CACNA1A: variants seen among roughly 807,000 people sequenced by gnomAD.
The protein encoded by CACNA1A is voltage-dependent P/Q-type calcium channel subunit alpha-1A.
Under a neutral mutation model 262.4 loss-of-function variants are expected in CACNA1A, and 57 were observed. The ratio of observed to expected loss-of-function variants is 0.22; its 90% CI spans 0.18 to 0.27. The LOEUF is 0.27. Ranked by LOEUF, CACNA1A falls within the 10% of genes least tolerant of loss-of-function variation. CACNA1A has a pLI of 1.00. For missense variants in CACNA1A, 2,526 were observed against 3,562.8 expected (o/e 0.71, Z 7.41); for synonymous variants, 1,431 against 1,419.3 (o/e 1.01, Z -0.18).
chr19:13,294,767 G>T (rs573552105), intron 19 of CACNA1A, among the ~76,000 whole-genome samples: 4 of 152,064 alleles, frequency 2.6e-5, no homozygotes, highest in African/African-American at 9.7e-5. Flanking sequence ...GGGATTACAG[G>T]CGTGAACCAT....
chr19:13,232,404 G>T (rs1399140341), intron 34 of CACNA1A, among the ~76,000 whole-genome samples: 1 of 151,818 alleles, frequency 6.6e-6, no homozygotes, highest in Non-Finnish European at 1.5e-5. Flanking sequence ...GGGTTTCACT[G>T]CATTGCTCAG....
At chr19:13,210,171 C>T (rs941314821) in intron 44 of CACNA1A, among the ~76,000 whole-genome samples, 1 of 152,206 alleles carries the variant, frequency 6.6e-6, no homozygotes, top group Admixed American at 6.5e-5. Context: ...ACACAGGTTT[C>T]TCTGCAGCAG....
At chr19:13,266,182 G>A (rs2056856949) in intron 24 of CACNA1A, among the ~76,000 whole-genome samples, 1 of 151,930 alleles carries the variant, frequency 6.6e-6, no homozygotes, top group African/African-American at 2.4e-5. Flanking sequence ...TCTTAGGTTA[G>A]CAATGCTGGT....
chr19:13,349,230 C>T (rs1160444505), intron 6 of CACNA1A, among the ~76,000 whole-genome samples: 7 of 152,088 alleles, frequency 4.6e-5, no homozygotes, highest in Non-Finnish European at 5.9e-5. Context: ...GGCTGTTTTA[C>T]GGATCAAGAC....
chr19:13,439,140 GCT>G (rs2060666532), intron 3 of CACNA1A, among the ~76,000 whole-genome samples: 1 of 138,340 alleles, frequency 7.2e-6, no homozygotes, highest in Non-Finnish European at 1.5e-5. Flanking sequence ...ATGGAGTCTT[GCT>G]CTGTCACCCA....
chr19:13,255,326 CTCTG>C lies in CACNA1A; in HGVS notation c.4591-71_4591-68del. 5.0e-6 allele frequency: 7 copies of C among 1,412,256 alleles called. No individual in the cohort carries two copies. In the South Asian group the frequency reaches 7.2e-5, roughly 14 times the overall value. The allele number at this position is 1,412,256 out of a possible 1,614,324, so 87.5% of individuals were successfully genotyped here. A position where few individuals can be genotyped will look rare whatever the true frequency, so the allele number is the denominator to read the frequency against. ...GGAAGGTGGCTGTACACCGGGCACCCTCTGTCTAACTCGTCGCGGTTCTCAAGTG... is the reference window on the plus strand; with the variant it reads ...GGAAGGTGGCTGTACACCGGGCACCCTCTAACTCGTCGCGGTTCTCAAGTG... On this transcript the variant is annotated intron_variant, in intron 28 of 46. Transcript: ENST00000360228.
At chr19:13,346,637 TATATATA>T (rs2058773567) in intron 6 of CACNA1A, among the ~76,000 whole-genome samples, 1 of 5,346 alleles carries the variant, frequency 1.9e-4, no homozygotes, top group Non-Finnish European at 4.6e-4. Context: ...TATATATATA[TATATATA>T]TATATATATA....
chr19:13,308,324 C>T lies in CACNA1A; in HGVS notation c.1782-73G>A, dbSNP rs1190221457. 38 of 1,566,712 alleles carry T rather than the reference C, an allele frequency of 2.4e-5. No individual in the cohort carries two copies. The highest frequency in any genetic ancestry group is 3.0e-5 in the Non-Finnish European group (35 of 1,153,214). ...GGCCCCGGAGTCAGCCCTCGAAACACGAGGCTCACTTTCCCAACTTTCTGG... is the reference window on the plus strand; with the variant it reads ...GGCCCCGGAGTCAGCCCTCGAAACATGAGGCTCACTTTCCCAACTTTCTGG... On this transcript the variant is annotated intron_variant, in intron 13 of 46. Transcript: ENST00000360228. This position sits in a 1 kb window ranked among gnomAD's most constrained non-coding sequence, Gnocchi z 4.2.
intron 31 of CACNA1A, chr19:13,244,855 C>T (rs117928785): frequency 0.012 from 3,682 of 298,218 alleles, 32 homozygotes; most frequent in Non-Finnish European, 0.016. Flanking sequence ...GTTTGGGAGC[C>T]GGCTCAGCTT....
At chr19:13,467,807 G>A (rs557867850) in intron 1 of CACNA1A, among the ~76,000 whole-genome samples, 27 of 151,988 alleles carry the variant, frequency 1.8e-4, no homozygotes, top group Non-Finnish European at 3.7e-4. Context: ...GTTTCACCAC[G>A]TTGGCCAGGC....
intron 1 of CACNA1A, 65 bp downstream of exon 1, chr19:13,505,867 G>C: frequency 1.3e-6 from 2 of 1,529,036 alleles, no homozygotes; most frequent in Non-Finnish European, 1.8e-6. Flanking sequence ...TCCCAGCCTG[G>C]AAGAGGGGAG....
intron 4 of CACNA1A, among the ~76,000 whole-genome samples, chr19:13,367,403 A>G (rs2059234374): frequency 6.6e-6 from 1 of 151,134 alleles, no homozygotes; most frequent in Non-Finnish European, 1.5e-5. Flanking sequence ...CTCTGTTCTG[A>G]GCAACCCAAT....
At chr19:13,246,711 T>C (rs62111970) in intron 30 of CACNA1A, among the ~76,000 whole-genome samples, 61,458 of 151,872 alleles carry the variant, frequency 0.4, 13,005 homozygotes, top group Middle Eastern at 0.55. Flanking sequence ...CTACAAGCTC[T>C]GCCTCCCGGG....
At chr19:13,268,731 G>A (rs1424728206) in intron 24 of CACNA1A, among the ~76,000 whole-genome samples, 2 of 152,050 alleles carry the variant, frequency 1.3e-5, no homozygotes, top group Non-Finnish European at 1.5e-5. Flanking sequence ...ACCGCGCCCG[G>A]CTGTGATATT....
At chr19:13,501,982 G>A (rs1047503012) in intron 1 of CACNA1A, among the ~76,000 whole-genome samples, 1 of 151,986 alleles carries the variant, frequency 6.6e-6, no homozygotes, top group African/African-American at 2.4e-5. Context: ...TGCTCCTCTG[G>A]AAATACCAGC....
At position 13,383,628 on chromosome 19, in the gene CACNA1A, A is replaced by G. The variant is rs574864897; in HGVS notation, c.540-11849T>C. Among the ~76,000 whole-genome samples, 4 of 152,222 alleles carry G rather than the reference A, an allele frequency of 2.6e-5. No homozygotes were observed. In the East Asian group the frequency reaches 7.7e-4, roughly 29 times the overall value. On this transcript the variant is annotated intron_variant, in intron 3 of 46. Coordinates refer to ENST00000360228, the MANE Select transcript of CACNA1A (RefSeq NM_001127222.2). Reference sequence around the variant, plus strand: ...GAAAAGCTCACTTTCTGCTTTATTGAGAATTACTATATTGGCTGTCTCCTC... The same window carrying G: ...GAAAAGCTCACTTTCTGCTTTATTGGGAATTACTATATTGGCTGTCTCCTC...
intron 1 of CACNA1A, among the ~76,000 whole-genome samples, chr19:13,480,873 C>T (rs1253652709): frequency 1.3e-5 from 2 of 152,048 alleles, no homozygotes; most frequent in Non-Finnish European, 2.9e-5. Context: ...AGCTTTTCTG[C>T]CTATGCTCTT....
chr19:13,412,540 C>T (rs1051527627), intron 3 of CACNA1A, among the ~76,000 whole-genome samples: 12 of 150,616 alleles, frequency 8.0e-5, no homozygotes, highest in African/African-American at 2.4e-4. Flanking sequence ...TGCAGTGGCG[C>T]GATCTCAGCT....
At chr19:13,503,989 GTAAGC>G (rs1568717329) in intron 1 of CACNA1A, among the ~76,000 whole-genome samples, 1 of 152,068 alleles carries the variant, frequency 6.6e-6, no homozygotes, top group Non-Finnish European at 1.5e-5. Context: ...CTGGACAGAG[GTAAGC>G]TAAGGACACA....
Sources: gnomAD v4.1 joint callset for allele counts (sites outside exome capture counted in the v4.1 genomes callset) on GRCh38, gnomAD v4.1.1 for gene constraint, Gnocchi (gnomAD v3.1) non-coding constraint, MANE v1.5 for transcripts, NCBI Gene and HGNC (gene_info 2026-07-23, HGNC 2026-07-21) for gene names.